The following ARSH variants were observed in gnomAD, a reference collection of about 807,000 sequenced individuals.
The protein encoded by ARSH is arylsulfatase family member H, also known as arylsulfatase H.
ARSH carries 32 observed loss-of-function variants against 28.7 expected under a neutral mutation model. The observed-to-expected ratio is 1.11, with a 90% confidence interval of 0.84 to 1.50. The LOEUF (loss-of-function observed/expected upper bound fraction) is 1.50, where lower values mean the gene tolerates loss of function less well. ARSH is among the 40% of genes most tolerant of loss of function. The probability of loss-of-function intolerance (pLI) is 0.00; values close to 1 mark genes in which losing one functional copy is unlikely to be tolerated. For synonymous variants in ARSH, 176 were observed against 177.3 expected, an observed-to-expected ratio of 0.99 and a Z score of 0.06; for missense variants, 440 against 452.4, an observed-to-expected ratio of 0.97 and a Z score of 0.25.
At chrX:3,013,628 C>T (rs1036914829) in intron 3 of ARSH, among the ~76,000 whole-genome samples, 1 of 109,710 alleles carries the variant, frequency 9.1e-6, no homozygotes, top group Non-Finnish European at 1.9e-5. Context: ...TGTGAGGGAG[C>T]CTTTCACCGA....
intron 8 of ARSH, among the ~76,000 whole-genome samples, chrX:3,032,723 A>G (rs1480352202): frequency 8.9e-6 from 1 of 112,118 alleles, no homozygotes; most frequent in Non-Finnish European, 1.9e-5. Context: ...GTTTGTACCT[A>G]ATCAGATTGA....
At chrX:3,021,229 A>G (rs1264138525) in intron 5 of ARSH, among the ~76,000 whole-genome samples, 1 of 111,192 alleles carries the variant, frequency 9.0e-6, no homozygotes, top group Non-Finnish European at 1.9e-5. Context: ...TTTCCCGTAA[A>G]GGGATTTTCT....
intron 1 of ARSH, among the ~76,000 whole-genome samples, chrX:3,008,178 T>C (rs947659041): frequency 9.8e-5 from 11 of 112,153 alleles, no homozygotes; most frequent in Non-Finnish European, 1.9e-4. Flanking sequence ...TTCCTTTCCA[T>C]GGCTGAATAC....
chrX:3,019,068 C>T (rs1469209676), intron 5 of ARSH, among the ~76,000 whole-genome samples: 3 of 110,506 alleles, frequency 2.7e-5, no homozygotes, highest in Non-Finnish European at 5.7e-5. Flanking sequence ...AGTTCTAGAC[C>T]AGCCTGGCCA....
intron 1 of ARSH, among the ~76,000 whole-genome samples, chrX:3,008,447 TA>T (rs1262060550): frequency 4.0e-5 from 4 of 99,977 alleles, no homozygotes; most frequent in Non-Finnish European, 6.1e-5. Flanking sequence ...TTCTTCTTCT[TA>T]TTTTCTTTCT....
chrX:3,018,658 G>A lies in ARSH; in HGVS notation c.889G>A (p.Asp297Asn). 7 of 1,210,595 alleles carry A rather than the reference G, an allele frequency of 5.8e-6. No individual in the cohort carries two copies. Among genetic ancestry groups the A allele is most frequent in the Non-Finnish European group, 7.8e-6 (7 of 894,829 alleles). The change falls in exon 5 of 9, where the codon GAT becomes AAT. Residue 297 changes from aspartate to asparagine, a missense_variant. Asp to Asn is a conservative substitution (Grantham distance 23, BLOSUM62 1). Transcript: ENST00000381130. ...GTATGGGGACAATGTAGAAGAAATG[G>A]ATTGGATGGTGGGTAAGTATTCAGT... ...GRYGDNVEEM[D>N]WMVGKILDAL...
chrX:3,019,691 G>A lies in ARSH; in HGVS notation c.901+1021G>A, dbSNP rs375597720. ...AATCTCCCAGTTATCAGCCGCCTCT[G>A]TTGACTTATATGGAGTGCCTTTGAA... On this transcript the variant is annotated intron_variant, in intron 5 of 8. Transcript: ENST00000381130. Among the ~76,000 whole-genome samples, 58 of 111,275 alleles carry A rather than the reference G, an allele frequency of 5.2e-4. 1 individual carries two copies. In the South Asian group the frequency reaches 0.02, roughly 38 times the overall value.
At chrX:3,018,031 A>C (rs1167606559) in intron 4 of ARSH, among the ~76,000 whole-genome samples, 2 of 112,410 alleles carry the variant, frequency 1.8e-5, no homozygotes, top group African/African-American at 6.5e-5. Context: ...ACAGGGTCTC[A>C]CTGCGTTGCC....
Position 3,033,505 on chromosome X carries a change from T to C in ARSH, c.*120T>C, listed in dbSNP as rs2089920915. On this transcript the variant is annotated 3_prime_UTR_variant, in exon 9 of 9. Transcript: ENST00000381130. ...AAACTGATGGCCCAACCCATTGTTT[T>C]ATCCTCAGAAATCAGTTCTTTCAAG... The C allele has an allele frequency of 2.5e-6, 2 of 804,356 alleles. No homozygotes were observed. The highest frequency in any genetic ancestry group is 7.1e-5 in the East Asian group (2 of 28,319). The allele number at this position is 804,356 out of a possible 1,213,427, so 66.3% of individuals were successfully genotyped here.
intron 2 of ARSH, among the ~76,000 whole-genome samples, chrX:3,012,568 AATATATATATATATAT>A (rs1183166715): frequency 4.6e-5 from 1 of 21,815 alleles, no homozygotes; most frequent in Non-Finnish European, 6.7e-5. Context: ...AAAAAAAAAA[AATATATATATATATAT>A]ATATATATAT....
intron 2 of ARSH, among the ~76,000 whole-genome samples, chrX:3,011,596 A>G (rs2089846871): frequency 8.9e-6 from 1 of 111,876 alleles, no homozygotes; most frequent in African/African-American, 3.2e-5. Flanking sequence ...AATAAAATTT[A>G]TTTTTAAAAA....
In ARSH at chrX:3,013,161, C is replaced by T. The variant is rs753484979; in HGVS notation, c.329C>T (p.Thr110Met). 8.3e-7 allele frequency: 1 copy of T among 1,207,668 alleles called. No individual in the cohort carries two copies. Among genetic ancestry groups the T allele is most frequent in the East Asian group, 3.0e-5 (1 of 33,473 alleles). Residue 110 changes from threonine to methionine, a missense_variant, in exon 3 of 9, where the codon ACG (threonine) becomes ATG (methionine). By Grantham distance (81) the Thr-to-Met change is moderately conservative. Transcript: ENST00000381130. ...CTGCTGCAGCACCGTGGCTACCGCA[C>T]GGGACTCATAGGTATGGCGCCGGAA... Reference protein sequence around the residue: ...AKLLQHRGYRTGLIGKWHLGL... With the variant: ...AKLLQHRGYRMGLIGKWHLGL...
In ARSH at chrX:3,020,537, C is replaced by T. The variant is rs1394363525; in HGVS notation, c.901+1867C>T. ...CTGGGAGGCGGAGCTTGCAGTGAGC[C>T]GAGATTGTGCCACTGCACTCCAGCC... On this transcript the variant is annotated intron_variant, in intron 5 of 8. Transcript: ENST00000381130. Among the ~76,000 whole-genome samples, 4 of 89,526 alleles carry T rather than the reference C, an allele frequency of 4.5e-5. No homozygotes were observed. In the East Asian group the frequency reaches 1.1e-3, roughly 24 times the overall value. 77.7% of individuals were successfully genotyped at this position (89,526 alleles called of 115,157 possible). A position where few individuals can be genotyped will look rare whatever the true frequency, so the allele number is the denominator to read the frequency against.
At chrX:3,012,553 AAAAAAAAAAAAAAAAATATAT>A (rs2089850510) in intron 2 of ARSH, among the ~76,000 whole-genome samples, 1 of 24,619 alleles carries the variant, frequency 4.1e-5, no homozygotes, top group African/African-American at 2.2e-4. Context: ...AAAAAAAAAA[AAAAAAAAAAAAAAAAATATAT>A]ATATATATAT....
At position 3,027,347 on chromosome X, in the gene ARSH, C is replaced by A; in HGVS notation, c.1071C>A (p.Ile357=). 4 of 1,209,446 alleles carry A rather than the reference C, an allele frequency of 3.3e-6. No individual in the cohort carries two copies. The South Asian group carries it at 7.1e-5, about 21-fold the overall frequency. ...GAATGGGAGGATGGGAAGGAGGTAT[C>A]CGTGTGCCAGGGATATTCCGGTGGC... ...GKGMGGWEGG[I]RVPGIFRWPS... The change falls in exon 7 of 9, where the codon ATC becomes ATA. Residue 357 remains isoleucine, a synonymous_variant. Transcript: ENST00000381130.
chrX:3,028,242 G>C (rs1171145844), intron 7 of ARSH, among the ~76,000 whole-genome samples: 1 of 110,859 alleles, frequency 9.0e-6, no homozygotes, highest in African/African-American at 3.3e-5. Flanking sequence ...ACAGAGTCTC[G>C]TCCTGTCAGC....
In ARSH at chrX:3,030,508, G is replaced by A. The variant is rs1231299539; in HGVS notation, c.1321+1140G>A. 2.7e-5 allele frequency among the ~76,000 whole-genome samples: 3 copies of A among 111,765 alleles called. No homozygotes were observed. In the South Asian group the frequency reaches 1.1e-3, roughly 42 times the overall value. The stretch of plus-strand genomic sequence containing the variant: ...GACTGGGTAATTTATAAAGGAAAAA[G>A]TGGTTTAATGGACTCACAGTTCCAC... On this transcript the variant is annotated intron_variant, in intron 8 of 8. Transcript: ENST00000381130.
At chrX:3,014,088 C>T (rs1205294607) in intron 3 of ARSH, among the ~76,000 whole-genome samples, 2 of 110,987 alleles carry the variant, frequency 1.8e-5, no homozygotes, top group African/African-American at 3.3e-5. Flanking sequence ...CATAGCAAGA[C>T]CCTGGATCTA....
chrX:3,011,360 C>T (rs1482534265), intron 2 of ARSH, among the ~76,000 whole-genome samples: 1 of 108,292 alleles, frequency 9.2e-6, no homozygotes, highest in Non-Finnish European at 1.9e-5. Flanking sequence ...AGTGATTCTC[C>T]TGCCTCAGTT....
Sources: allele counts gnomAD v4.1 joint callset (sites outside exome capture counted in the v4.1 genomes callset), GRCh38; gene constraint gnomAD v4.1.1; transcripts MANE v1.5; gene names NCBI Gene and HGNC (gene_info 2026-07-23, HGNC 2026-07-21).